DOCK3: variants seen among roughly 807,000 people sequenced by gnomAD.
The protein encoded by DOCK3 is dedicator of cytokinesis 3, also known as dedicator of cytokinesis protein 3.
A neutral mutation model predicts 265.6 loss-of-function variants in DOCK3; 60 were observed. The ratio of observed to expected loss-of-function variants is 0.23; its 90% CI spans 0.18 to 0.28. The LOEUF is 0.28. DOCK3 is among the 10% of genes least tolerant of loss of function. The pLI, the probability that DOCK3 is intolerant of heterozygous loss-of-function variation, is 1.00. For synonymous variants in DOCK3, 881 were observed against 938.0 expected (o/e 0.94, Z 1.11); for missense variants, 1,981 against 2,594.3 (o/e 0.76, Z 5.14).
intron 5 of DOCK3, among the ~76,000 whole-genome samples, chr3:50,974,201 T>C (rs1214543362): frequency 1.3e-4 from 20 of 152,082 alleles, no homozygotes. Context: ...GTTTTAGACA[T>C]GAAGTCCTTG....
chr3:51,097,053 G>A (rs1387622004), intron 9 of DOCK3, among the ~76,000 whole-genome samples: 1 of 152,182 alleles, frequency 6.6e-6, no homozygotes, highest in African/African-American at 2.4e-5. Flanking sequence ...ACCCCTGCTG[G>A]GAGGTGTCTC....
intron 2 of DOCK3, among the ~76,000 whole-genome samples, chr3:50,818,000 T>TCTGG: frequency 6.6e-6 from 1 of 152,256 alleles, no homozygotes; most frequent in East Asian, 1.9e-4. Context: ...GGTAGAAGCC[T>TCTGG]CTGCCGTTGT....
intron 5 of DOCK3, among the ~76,000 whole-genome samples, chr3:50,976,746 T>G (rs1359166390): frequency 7.9e-4 from 119 of 149,952 alleles, no homozygotes; most frequent in Non-Finnish European, 1.4e-3. Context: ...AGTGGGGTGT[T>G]AAAGTCTCCC....
In DOCK3 at chr3:51,381,443, C is replaced by T. The variant is rs782298774; in HGVS notation, c.5977C>T (p.Leu1993=). 1 of 1,608,754 alleles carries T rather than the reference C, an allele frequency of 6.2e-7. No homozygotes were observed. The highest frequency in any genetic ancestry group is 1.1e-5 in the South Asian group (1 of 90,616). ...PALEHDEGVL[L]REETERPRGL... ...CCTGGAGCACGATGAGGGGGTGCTG[C>T]TGCGTGAAGAGACTGAGAGGCCTCG... Residue 1993 remains leucine (L), a synonymous_variant, in exon 53 of 53, where the codon CTG becomes TTG. Transcript: ENST00000266037. The surrounding 1 kb of genome is among the most constrained non-coding windows in gnomAD (Gnocchi z 5.6).
At chr3:51,087,166 A>G (rs1169983867) in intron 7 of DOCK3, among the ~76,000 whole-genome samples, 1 of 152,204 alleles carries the variant, frequency 6.6e-6, no homozygotes, top group Non-Finnish European at 1.5e-5. Context: ...AAGTCAGACA[A>G]GGACACAAGA....
intron 8 of DOCK3, among the ~76,000 whole-genome samples, chr3:51,089,592 C>T (rs1249532310): frequency 2.0e-5 from 3 of 152,084 alleles, no homozygotes; most frequent in Admixed American, 6.5e-5. Flanking sequence ...GTCATAATGG[C>T]ATTTCTTTAA....
At chr3:50,995,595 T>A (rs941697173) in intron 5 of DOCK3, among the ~76,000 whole-genome samples, 3 of 152,124 alleles carry the variant, frequency 2.0e-5, no homozygotes, top group African/African-American at 7.2e-5. Flanking sequence ...TGAGAGGTGA[T>A]ATAGGGCAAT....
At chr3:51,248,237 G>A (rs1160295277) in intron 22 of DOCK3, among the ~76,000 whole-genome samples, 2 of 152,152 alleles carry the variant, frequency 1.3e-5, no homozygotes, top group Non-Finnish European at 2.9e-5. Context: ...GGCTTACAAA[G>A]TCAGTTTAAA....
chr3:51,256,968 G>A (rs987957030), intron 22 of DOCK3, among the ~76,000 whole-genome samples: 2 of 152,188 alleles, frequency 1.3e-5, no homozygotes, highest in Admixed American at 6.5e-5. Flanking sequence ...ATGCTAGACC[G>A]GATGTAGAAG....
At chr3:50,771,868 CAAAACAA>C in intron 1 of DOCK3, among the ~76,000 whole-genome samples, 1 of 151,946 alleles carries the variant, frequency 6.6e-6, no homozygotes, top group South Asian at 2.1e-4. Context: ...AAAACAAAAA[CAAAACAA>C]AAAACAAAAC....
intron 12 of DOCK3, among the ~76,000 whole-genome samples, chr3:51,201,435 A>G (rs2088765345): frequency 1.3e-5 from 2 of 152,194 alleles, no homozygotes; most frequent in Admixed American, 1.3e-4. Context: ...GGCCATTACA[A>G]TAATGGTAAA....
chr3:50,771,513 A>G (rs2041273247), intron 1 of DOCK3, among the ~76,000 whole-genome samples: 2 of 152,180 alleles, frequency 1.3e-5, no homozygotes, highest in African/African-American at 2.4e-5. Context: ...GTCAATTAGT[A>G]CAACCACTAT....
At chr3:50,719,268 C>CTTTTTT (rs71084106) in intron 1 of DOCK3, among the ~76,000 whole-genome samples, 5 of 138,686 alleles carry the variant, frequency 3.6e-5, no homozygotes, top group South Asian at 2.3e-4. Flanking sequence ...TAGATATTTT[C>CTTTTTT]TTTTTTTTTT....
chr3:50,949,768 C>T (rs1275839828), intron 5 of DOCK3, among the ~76,000 whole-genome samples: 3 of 152,116 alleles, frequency 2.0e-5, no homozygotes, highest in East Asian at 1.9e-4. Flanking sequence ...AAATTGCCTT[C>T]TCCCATACCC....
intron 2 of DOCK3, among the ~76,000 whole-genome samples, chr3:50,818,554 G>C (rs2044225439): frequency 1.3e-5 from 2 of 152,202 alleles, no homozygotes; most frequent in Non-Finnish European, 2.9e-5. Flanking sequence ...GTGCATGTCA[G>C]CTTGGGGTGA....
At chr3:50,895,047 C>T (rs2048826754) in intron 4 of DOCK3, among the ~76,000 whole-genome samples, 1 of 152,024 alleles carries the variant, frequency 6.6e-6, no homozygotes, top group South Asian at 2.1e-4. Context: ...TCTACCACTT[C>T]TTCTTCAATT....
chr3:50,954,624 T>C (rs892978134), intron 5 of DOCK3, among the ~76,000 whole-genome samples: 1 of 152,182 alleles, frequency 6.6e-6, no homozygotes, highest in African/African-American at 2.4e-5. Flanking sequence ...TGCATGTATA[T>C]TTTCTTTGGA....
chr3:51,106,914 C>T (rs1329584442), intron 9 of DOCK3, among the ~76,000 whole-genome samples: 6 of 152,218 alleles, frequency 3.9e-5, no homozygotes, highest in Admixed American at 2.0e-4. Flanking sequence ...AACAAGATCC[C>T]GCTGCCACCA....
At chr3:51,318,065 T>A (rs2083471733) in intron 32 of DOCK3, among the ~76,000 whole-genome samples, 1 of 152,172 alleles carries the variant, frequency 6.6e-6, no homozygotes, top group Non-Finnish European at 1.5e-5. Flanking sequence ...AGATTTTGAC[T>A]GGGATTGCAG....
Sources: gnomAD v4.1 joint callset for allele counts (sites outside exome capture counted in the v4.1 genomes callset) on GRCh38, gnomAD v4.1.1 for gene constraint, Gnocchi (gnomAD v3.1) non-coding constraint, MANE v1.5 for transcripts, NCBI Gene and HGNC (gene_info 2026-07-23, HGNC 2026-07-21) for gene names.